FYB1: variants seen among roughly 807,000 people sequenced by gnomAD.
FYB1 encodes the protein FYN-binding protein 1.
FYB1 carries 41 observed loss-of-function variants against 94.1 expected under a neutral mutation model. The observed-to-expected ratio is 0.44, with a 90% CI of 0.34 to 0.57. FYB1 has a LOEUF of 0.57. Among genes scored for constraint, FYB1 ranks in the 20% least tolerant of loss-of-function variants. FYB1 has a pLI of 0.02. For synonymous variants in FYB1, 367 were observed against 353.2 expected, an observed-to-expected ratio of 1.04 and a Z score of -0.44; for missense variants, 1,050 against 976.8, an observed-to-expected ratio of 1.07 and a Z score of -1.00.
intron 3 of FYB1, among the ~76,000 whole-genome samples, chr5:39,149,559 T>C (rs1743064030): frequency 1.3e-5 from 2 of 152,242 alleles, no homozygotes; most frequent in Admixed American, 1.3e-4. Flanking sequence ...ATTTCTTTGG[T>C]TGCCCTTTCT....
At chr5:39,273,904 G>A (rs772246174) in intron 1 of FYB1, among the ~76,000 whole-genome samples, 2 of 151,874 alleles carry the variant, frequency 1.3e-5, no homozygotes, top group African/African-American at 2.4e-5. Flanking sequence ...GAGAAGCATC[G>A]TCAGTGTTTT....
intron 6 of FYB1, chr5:39,138,202 A>G (rs894860660): frequency 4.8e-5 from 8 of 165,544 alleles, no homozygotes; most frequent in African/African-American, 1.9e-4. Flanking sequence ...CCACTTTCCA[A>G]GAAATTTCGT....
At chr5:39,273,270 G>A (rs929958834) in intron 1 of FYB1, among the ~76,000 whole-genome samples, 2 of 152,168 alleles carry the variant, frequency 1.3e-5, no homozygotes, top group Non-Finnish European at 2.9e-5. Context: ...AAGTGGACAT[G>A]GGAGACTTTT....
intron 15 of FYB1, 129 bp downstream of exon 15, chr5:39,119,406 C>A: frequency 1.7e-6 from 1 of 603,164 alleles, no homozygotes; most frequent in Non-Finnish European, 2.7e-6. Flanking sequence ...TTGATAATTA[C>A]ACTTTAAAGT....
At chr5:39,260,027 A>G (rs971236573) in intron 1 of FYB1, among the ~76,000 whole-genome samples, 24 of 152,206 alleles carry the variant, frequency 1.6e-4, no homozygotes, top group African/African-American at 5.1e-4. Context: ...GAAGCTGATA[A>G]ATGGATTTAA....
In FYB1 at chr5:39,139,270, T is replaced by A. The variant is rs1292368802; in HGVS notation, c.1340-18A>T. ...TCCAGCACCTAAAAGATTAAAAAAA[T>A]AAAATTTAATACATTTGTAATAAGG... is the stretch of plus-strand genomic sequence containing the variant. On this transcript the variant is annotated intron_variant, in intron 4 of 18. Coordinates refer to ENST00000512982, the MANE Select transcript of FYB1 (RefSeq NM_001465.6). The A allele has an allele frequency of 1.4e-6, 2 of 1,434,562 alleles. No individual in the cohort carries two copies. Among genetic ancestry groups the A allele is most frequent in the Non-Finnish European group, 1.9e-6 (2 of 1,059,908 alleles). 88.9% of individuals were successfully genotyped at this position (1,434,562 alleles called of 1,614,324 possible).
At chr5:39,163,658 T>C (rs1377874821) in intron 2 of FYB1, among the ~76,000 whole-genome samples, 3 of 152,208 alleles carry the variant, frequency 2.0e-5, no homozygotes, top group Non-Finnish European at 4.4e-5. Context: ...CATAAAATAA[T>C]ATGAAATTCA....
chr5:39,191,019 C>T (rs572440523), intron 2 of FYB1, among the ~76,000 whole-genome samples: 2 of 152,256 alleles, frequency 1.3e-5, no homozygotes, highest in Non-Finnish European at 2.9e-5. Context: ...AAGGGAGATT[C>T]TTTTTCCACA....
In FYB1 at chr5:39,224,840, T is replaced by C. The variant is rs141730093; in HGVS notation, c.-27-21853A>G. Reference sequence around the variant, plus strand: ...CCTTCTAACTTCAACCTCTTTCCTCTAACCTGCTCATTCTTCCTGCTTTCT... The same window carrying C: ...CCTTCTAACTTCAACCTCTTTCCTCCAACCTGCTCATTCTTCCTGCTTTCT... On this transcript the variant is annotated intron_variant, in intron 1 of 1. Transcript: ENST00000510188. 4.6e-3 allele frequency among the ~76,000 whole-genome samples: 698 copies of C among 152,290 alleles called. 16 individuals carry two copies. Among genetic ancestry groups the C allele is most frequent in the East Asian group, 0.033 (172 of 5,166 alleles).
chr5:39,111,145 T>A (rs1193728553), intron 16 of FYB1, among the ~76,000 whole-genome samples: 1 of 151,974 alleles, frequency 6.6e-6, no homozygotes, highest in Non-Finnish European at 1.5e-5. Flanking sequence ...ATTGTGCAAA[T>A]GTTTCTCAGG....
In FYB1 at chr5:39,230,382, A is replaced by G. The variant is rs114540531; in HGVS notation, c.-27-27395T>C. Among the ~76,000 whole-genome samples, 1,102 of 152,242 alleles carry G rather than the reference A, an allele frequency of 7.2e-3. 11 individuals are homozygous for G. The highest frequency in any genetic ancestry group is 0.024 in the African/African-American group (986 of 41,550). ...TTTGGAAGCTGGAAGAGGCAAAGAA[A>G]TGGAGCCTCCGCCAGAACCTCCAGA... On this transcript the variant is annotated intron_variant, in intron 1 of 1. Transcript: ENST00000510188.
chr5:39,121,137 T>A (rs975053238), intron 14 of FYB1, among the ~76,000 whole-genome samples: 1 of 148,886 alleles, frequency 6.7e-6, no homozygotes, highest in East Asian at 2.0e-4. Context: ...TGACTCTTTG[T>A]TCCTAGAGAG....
At chr5:39,213,664 G>GTGTGTGTTGGTGTTTAGGTAGA (rs1749612912) in intron 1 of FYB1, among the ~76,000 whole-genome samples, 2 of 152,328 alleles carry the variant, frequency 1.3e-5, no homozygotes, top group South Asian at 4.1e-4. Context: ...TAGTCTCTGT[G>GTGTGTGTTGGTGTTTAGGTAGA]TGTGTGTTGG....
Position 39,170,415 on chromosome 5 carries a change from AC to A in FYB1, c.1136-16812del, listed in dbSNP as rs949908837. On this transcript the variant is annotated intron_variant, in intron 2 of 18. Transcript: ENST00000512982. Reference sequence around the variant, plus strand: ...TGGTCTTGTCGCCGTCCTGGGCCGGACCCCCTCAGCAGCAGACCTGGAGGGG... The same window carrying A: ...TGGTCTTGTCGCCGTCCTGGGCCGGACCCCTCAGCAGCAGACCTGGAGGGG... The A allele has an allele frequency of 1.4e-5, 7 of 494,206 alleles. No homozygotes were observed. In the African/African-American group the frequency reaches 1.4e-4, roughly 10 times the overall value. 30.6% of individuals were successfully genotyped at this position (494,206 alleles called of 1,614,324 possible).
chr5:39,272,994 C>T (rs566296181), intron 1 of FYB1, among the ~76,000 whole-genome samples: 30 of 152,360 alleles, frequency 2.0e-4, no homozygotes, highest in Non-Finnish European at 3.7e-4. Flanking sequence ...GTTCCCCACC[C>T]GGCCGGCTGC....
chr5:39,139,122 T>C (rs1482566657), intron 5 of FYB1, 111 bp downstream of exon 5: 1 of 1,106,474 alleles, frequency 9.0e-7, no homozygotes. Flanking sequence ...AAAATATCAT[T>C]GCTCATAAGG....
At chr5:39,166,548 T>C (rs764171059) in intron 2 of FYB1, among the ~76,000 whole-genome samples, 12 of 152,216 alleles carry the variant, frequency 7.9e-5, no homozygotes, top group African/African-American at 2.6e-4. Context: ...AACCTAAGTG[T>C]CCATCAATGG....
chr5:39,170,593 T>C (rs1279663234), intron 2 of FYB1, among the ~76,000 whole-genome samples: 1 of 152,214 alleles, frequency 6.6e-6, no homozygotes, highest in South Asian at 2.1e-4. Context: ...CATCATCTCT[T>C]ATCTGGACTC....
chr5:39,134,067 T>C lies in FYB1; in HGVS notation c.1817+141A>G, dbSNP rs68032871. 102,631 of 556,062 alleles carry C rather than the reference T, an allele frequency of 0.18. 11,053 individuals are homozygous for C. The highest frequency in any genetic ancestry group is 0.24 in the Middle Eastern group (749 of 3,154). 34.4% of individuals were successfully genotyped at this position (556,062 alleles called of 1,614,324 possible). ...AGTTTCAAACGACCTTTCACCCATG[T>C]TGGGGTTATTGTAAGTGGTCATTTA... On this transcript the variant is annotated intron_variant, in intron 9 of 18. Coordinates refer to ENST00000512982, the MANE Select transcript of FYB1 (RefSeq NM_001465.6).
Sources: gnomAD v4.1 joint callset for allele counts (sites outside exome capture counted in the v4.1 genomes callset) on GRCh38, gnomAD v4.1.1 for gene constraint, MANE v1.5 for transcripts, NCBI Gene and HGNC (gene_info 2026-07-23, HGNC 2026-07-21) for gene names.